NCKAP5: variants seen among roughly 807,000 people sequenced by gnomAD.
NCKAP5 encodes nck-associated protein 5.
Under a neutral mutation model 167.0 loss-of-function variants are expected in NCKAP5, and 92 were observed. That is an observed-to-expected ratio of 0.55 (90% CI 0.47 to 0.66). The LOEUF (loss-of-function observed/expected upper bound fraction) is 0.66, where lower values mean the gene tolerates loss of function less well. NCKAP5 is among the 30% of genes least tolerant of loss of function. The probability of loss-of-function intolerance (pLI) is 0.00; values close to 1 mark genes in which losing one functional copy is unlikely to be tolerated. For synonymous variants in NCKAP5, 891 were observed against 877.4 expected, an observed-to-expected ratio of 1.02 and a Z score of -0.27; for missense variants, 2,378 against 2,315.0, an observed-to-expected ratio of 1.03 and a Z score of -0.56.
At chr2:133,559,210 C>T (rs1039242081) in intron 1 of NCKAP5, 93 bp from the exon 2 acceptor site, 1 of 151,714 alleles carries the variant, frequency 6.6e-6, no homozygotes, top group African/African-American at 2.4e-5. Context: ...GTTTTTGCAT[C>T]TAAAAATGGG....
chr2:133,653,570 C>A, the NCKAP5 span, among the ~76,000 whole-genome samples: 1 of 152,162 alleles, frequency 6.6e-6, no homozygotes, highest in East Asian at 1.9e-4. Context: ...TTCAAGATGA[C>A]CCTATTACAA....
chr2:133,515,872 T>C (rs1415548607), intron 3 of NCKAP5, among the ~76,000 whole-genome samples: 1 of 152,212 alleles, frequency 6.6e-6, no homozygotes, highest in African/African-American at 2.4e-5. Flanking sequence ...TTTTACCAAT[T>C]CCCACAACAA....
intron 6 of NCKAP5, among the ~76,000 whole-genome samples, chr2:133,064,613 C>T (rs527980645): frequency 1.4e-4 from 21 of 152,176 alleles, no homozygotes; most frequent in African/African-American, 4.6e-4. Context: ...CTAAGGAAGC[C>T]TGGTAAATAA....
intron 19 of NCKAP5, among the ~76,000 whole-genome samples, chr2:132,697,140 G>C (rs1023002517): frequency 1.3e-5 from 2 of 148,628 alleles, no homozygotes; most frequent in Non-Finnish European, 3.0e-5. Flanking sequence ...TGCCTACCTT[G>C]GTCTCTCTAA....
At chr2:132,856,089 G>C (rs552700459) in intron 11 of NCKAP5, among the ~76,000 whole-genome samples, 80 of 152,278 alleles carry the variant, frequency 5.3e-4, no homozygotes, top group African/African-American at 1.8e-3. Flanking sequence ...GCGTGAACCC[G>C]GGAGGCAAAG....
chr2:133,406,990 G>A (rs1574897949), intron 3 of NCKAP5, among the ~76,000 whole-genome samples: 2 of 152,306 alleles, frequency 1.3e-5, no homozygotes, highest in African/African-American at 4.8e-5. Flanking sequence ...TCTCTTTTGA[G>A]CTTTCTTGTG....
intron 6 of NCKAP5, among the ~76,000 whole-genome samples, chr2:133,106,533 C>T (rs940564104): frequency 3.3e-5 from 5 of 152,132 alleles, no homozygotes; most frequent in Admixed American, 6.5e-5. Context: ...GAGATAAATG[C>T]TTCTCATTCA....
intron 11 of NCKAP5, among the ~76,000 whole-genome samples, chr2:132,859,719 C>T (rs1452288420): frequency 6.6e-6 from 1 of 152,166 alleles, no homozygotes; most frequent in Non-Finnish European, 1.5e-5. Flanking sequence ...CAGTCTTTGA[C>T]AGCTTAGCCT....
rs56801724 is a variant in NCKAP5 at position 133,321,098 on chromosome 2, C to T, written c.70-17988G>A. Reference sequence around the variant, plus strand: ...CCATCCAGTGAGCCTGATCACTGACCCATGTCTTGCCTTATCCCAGGTGGA... The same window carrying T: ...CCATCCAGTGAGCCTGATCACTGACTCATGTCTTGCCTTATCCCAGGTGGA... On this transcript the variant is annotated intron_variant, in intron 3 of 19. Transcript: ENST00000409261. Among the ~76,000 whole-genome samples, 1,059 of 152,262 alleles carry T rather than the reference C, an allele frequency of 7.0e-3. 15 individuals carry two copies. The highest frequency in any genetic ancestry group is 0.022 in the African/African-American group (926 of 41,550).
At chr2:133,229,425 G>A (rs572534769) in intron 4 of NCKAP5, among the ~76,000 whole-genome samples, 41 of 152,314 alleles carry the variant, frequency 2.7e-4, no homozygotes, top group Non-Finnish European at 4.1e-4. Context: ...GATACCCATC[G>A]TGCCCGAAGG....
At chr2:133,242,208 G>A (rs1361120061) in intron 4 of NCKAP5, among the ~76,000 whole-genome samples, 1 of 149,900 alleles carries the variant, frequency 6.7e-6, no homozygotes, top group Non-Finnish European at 1.5e-5. Flanking sequence ...GGTAACCAAT[G>A]CTGTCAGAAT....
At chr2:133,433,880 A>G (rs1040286183) in intron 3 of NCKAP5, 3 of 152,182 alleles carry the variant, frequency 2.0e-5, no homozygotes, top group Non-Finnish European at 2.9e-5. Flanking sequence ...CTACAGATCT[A>G]TCTAACTTCT....
intron 6 of NCKAP5, among the ~76,000 whole-genome samples, chr2:133,014,164 G>T (rs1179401031): frequency 6.6e-6 from 1 of 152,172 alleles, no homozygotes; most frequent in African/African-American, 2.4e-5. Flanking sequence ...CTGTCCGCAA[G>T]ACAAAGACTG....
At chr2:132,773,116 G>C (rs1206548266) in intron 16 of NCKAP5, among the ~76,000 whole-genome samples, 1 of 152,186 alleles carries the variant, frequency 6.6e-6, no homozygotes, top group East Asian at 1.9e-4. Context: ...GCTATATTTA[G>C]AGCCTGAGGA....
the NCKAP5 span, among the ~76,000 whole-genome samples, chr2:133,647,709 AAAGAAAGG>A: frequency 1.2e-4 from 3 of 24,850 alleles, no homozygotes; most frequent in Admixed American, 5.8e-4. Flanking sequence ...AAGGAAAGAA[AAAGAAAGG>A]AAGGAAGGAA....
At chr2:133,434,906 G>A (rs570235121) in intron 3 of NCKAP5, among the ~76,000 whole-genome samples, 23 of 152,270 alleles carry the variant, frequency 1.5e-4, no homozygotes, top group African/African-American at 5.1e-4. Flanking sequence ...ACACCTGTAC[G>A]TATCAGCAGA....
At chr2:133,388,599 G>A (rs1280856670) in intron 3 of NCKAP5, among the ~76,000 whole-genome samples, 1 of 152,208 alleles carries the variant, frequency 6.6e-6, no homozygotes, top group African/African-American at 2.4e-5. Flanking sequence ...CAGGATTTGT[G>A]CTGCCTTTTG....
chr2:133,350,627 T>G (rs556052131), intron 3 of NCKAP5, among the ~76,000 whole-genome samples: 12 of 152,244 alleles, frequency 7.9e-5, no homozygotes, highest in African/African-American at 2.9e-4. Context: ...CCATTTTACA[T>G]GTCAGCACCC....
chr2:133,572,462 G>T (rs914597742), upstream of NCKAP5, among the ~76,000 whole-genome samples: 3 of 152,204 alleles, frequency 2.0e-5, no homozygotes, highest in Admixed American at 6.5e-5. Flanking sequence ...CACTCACAGG[G>T]CTGAGTCCTA....
Sources: gnomAD v4.1 joint callset for allele counts (sites outside exome capture counted in the v4.1 genomes callset) on GRCh38, gnomAD v4.1.1 for gene constraint, MANE v1.5 for transcripts, NCBI Gene and HGNC (gene_info 2026-07-23, HGNC 2026-07-21) for gene names.